The following IL12RB1 variants were observed in gnomAD, a reference collection of about 807,000 sequenced individuals.
IL12RB1 encodes interleukin 12 receptor subunit beta 1, also known as interleukin-12 receptor subunit beta-1.
A neutral mutation model predicts 94.4 loss-of-function variants in IL12RB1; 64 were observed. The ratio of observed to expected loss-of-function variants is 0.68; its 90% CI spans 0.55 to 0.83. The LOEUF (loss-of-function observed/expected upper bound fraction) is 0.83. IL12RB1 is among the 40% of genes least tolerant of loss of function. The pLI is 0.00. For missense variants in IL12RB1, 814 were observed against 855.6 expected, an observed-to-expected ratio of 0.95 and a Z score of 0.61; for synonymous variants, 362 against 355.5, an observed-to-expected ratio of 1.02 and a Z score of -0.21.
At chr19:18,086,671 C>G in intron 1 of IL12RB1, 89 bp downstream of exon 1, 1 of 1,351,054 alleles carries the variant, frequency 7.4e-7, no homozygotes, top group Non-Finnish European at 1.0e-6. Flanking sequence ...GAGATGAAAC[C>G]AACCCACACA....
chr19:18,073,345 C>T (rs2035216858), intron 8 of IL12RB1, among the ~76,000 whole-genome samples, 172 bp downstream of exon 8: 1 of 152,138 alleles, frequency 6.6e-6, no homozygotes, highest in Non-Finnish European at 1.5e-5. Flanking sequence ...CCTGCTCACA[C>T]ACACACTCCA....
At chr19:18,070,853 A>G (rs1219510897) in intron 9 of IL12RB1, 1 of 152,872 alleles carries the variant, frequency 6.5e-6, no homozygotes, top group Non-Finnish European at 1.5e-5. Context: ...GCTGAGGTGG[A>G]AGGATCACTT....
At chr19:18,064,130 C>T (rs373994812) in intron 12 of IL12RB1, 120 bp from the exon 13 acceptor site, 127 of 461,834 alleles carry the variant, frequency 2.7e-4, no homozygotes, top group African/African-American at 1.8e-3. Context: ...AATCTCTACT[C>T]TTTCTTTCTT....
chr19:18,072,579 A>G (rs1460377880), intron 8 of IL12RB1, among the ~76,000 whole-genome samples: 1 of 152,104 alleles, frequency 6.6e-6, no homozygotes, highest in Non-Finnish European at 1.5e-5. Flanking sequence ...GACAAAACCC[A>G]CTGACATTCA....
intron 2 of IL12RB1, 81 bp from the exon 3 acceptor site, chr19:18,082,345 A>G: frequency 1.2e-6 from 1 of 814,316 alleles, no homozygotes; most frequent in African/African-American, 1.7e-5. Context: ...TGTGATGCTT[A>G]CATCTTTCAG....
At chr19:18,061,892 G>T (rs539155791) in intron 14 of IL12RB1, among the ~76,000 whole-genome samples, 1 of 129,432 alleles carries the variant, frequency 7.7e-6, no homozygotes, top group South Asian at 2.4e-4. Context: ...AAGAAATTTT[G>T]CATAAACTGC....
chr19:18,070,828 C>T (rs2034975456), intron 9 of IL12RB1: 1 of 151,996 alleles, frequency 6.6e-6, no homozygotes, highest in Non-Finnish European at 1.5e-5. Flanking sequence ...GTCTGTAGTC[C>T]CAGCTACTCC....
intron 13 of IL12RB1, among the ~76,000 whole-genome samples, chr19:18,063,478 GC>G (rs1484557204): frequency 2.0e-5 from 3 of 151,930 alleles, no homozygotes; most frequent in African/African-American, 4.8e-5. Flanking sequence ...CTCCCCAAGA[GC>G]CCCCAGATAC....
upstream of IL12RB1, among the ~76,000 whole-genome samples, chr19:18,091,860 T>C (rs114619217): frequency 0.025 from 3,601 of 144,986 alleles, 58 homozygotes; most frequent in Non-Finnish European, 0.031. Flanking sequence ...CCATGATGCC[T>C]GGCTTTTCTT....
intron 3 of IL12RB1, 109 bp downstream of exon 3, chr19:18,082,041 G>C: frequency 1.4e-6 from 1 of 726,518 alleles, no homozygotes; most frequent in South Asian, 1.5e-5. Flanking sequence ...GCCCAGGAAG[G>C]AGTGTTGACC....
intron 13 of IL12RB1, among the ~76,000 whole-genome samples, chr19:18,063,103 T>C (rs2034298149): frequency 1.0e-5 from 1 of 95,400 alleles, no homozygotes; most frequent in Non-Finnish European, 2.3e-5. Context: ...TTTTTTTTTT[T>C]TTTTTTTTTT....
At position 18,086,617 on chromosome 19, in the gene IL12RB1, AC is replaced by A. The variant is rs1438518154; in HGVS notation, c.64+142del. 6.9e-6 allele frequency: 5 copies of A among 728,000 alleles called. No homozygotes were observed. In the Admixed American group the frequency reaches 1.6e-4, roughly 23 times the overall value. The allele number at this position is 728,000 out of a possible 1,614,324, so 45.1% of individuals were successfully genotyped here. On this transcript the variant is annotated intron_variant, in intron 1 of 16. Coordinates refer to ENST00000593993, the MANE Select transcript of IL12RB1 (RefSeq NM_005535.3). ...TCTAAGTTCGATCCCAGAAGCCATG[AC>A]TGCCCATCTCCCATTTGACAGCAGG...
intron 3 of IL12RB1, among the ~76,000 whole-genome samples, chr19:18,081,876 A>ATGGT (rs1555786406): frequency 2.0e-5 from 3 of 151,880 alleles, no homozygotes; most frequent in Non-Finnish European, 2.9e-5. Context: ...GGATGGATGG[A>ATGGT]TGGATGGATG....
chr19:18,061,964 G>C (rs1156338758), intron 14 of IL12RB1, among the ~76,000 whole-genome samples: 1 of 152,194 alleles, frequency 6.6e-6, no homozygotes, highest in Non-Finnish European at 1.5e-5. Context: ...CGCTCTCAGC[G>C]GCTACTCTCC....
chr19:18,079,787 C>T (rs1454729809), intron 4 of IL12RB1, among the ~76,000 whole-genome samples: 1 of 151,220 alleles, frequency 6.6e-6, no homozygotes, highest in East Asian at 2.0e-4. Context: ...GTCCCAGCTA[C>T]TGGGGAGGCT....
chr19:18,081,745 A>C (rs1264385685), intron 3 of IL12RB1, among the ~76,000 whole-genome samples: 3 of 151,964 alleles, frequency 2.0e-5, no homozygotes, highest in African/African-American at 7.2e-5. Flanking sequence ...ACTCTAACTC[A>C]GGAGGCAGAG....
intron 1 of IL12RB1, 35 bp downstream of exon 1, chr19:18,086,725 A>C: frequency 3.8e-6 from 6 of 1,588,552 alleles, no homozygotes; most frequent in Non-Finnish European, 4.3e-6. Context: ...TCCACCCAGC[A>C]AGAGGAGCCG....
intron 10 of IL12RB1, among the ~76,000 whole-genome samples, 182 bp from the exon 11 acceptor site, chr19:18,068,708 A>G (rs1387075133): frequency 1.6e-5 from 2 of 122,854 alleles, no homozygotes; most frequent in East Asian, 2.7e-4. Flanking sequence ...CCCCATCCCC[A>G]TCCCCCTCTA....
rs17879903 is a variant in IL12RB1 at position 18,069,368 on chromosome 19, A to G, written c.1189+178T>C. 5.2e-3 allele frequency among the ~76,000 whole-genome samples: 799 copies of G among 152,280 alleles called. 5 individuals carry two copies. Among genetic ancestry groups the G allele is most frequent in the African/African-American group, 0.018 (763 of 41,566 alleles). On this transcript the variant is annotated intron_variant, in intron 10 of 16. Coordinates refer to ENST00000593993, the MANE Select transcript of IL12RB1 (RefSeq NM_005535.3). ...TGCCAGCAAGAGGTTCCAGACCCAT[A>G]TGGGTGAGAGGCTCCGAACCTCACC...
Sources: allele counts gnomAD v4.1 joint callset (sites outside exome capture counted in the v4.1 genomes callset), GRCh38; gene constraint gnomAD v4.1.1; transcripts MANE v1.5; gene names NCBI Gene and HGNC (gene_info 2026-07-23, HGNC 2026-07-21).